The following HEPHL1 variants were observed in gnomAD, a reference collection of about 807,000 sequenced individuals.
HEPHL1 encodes the protein ferroxidase HEPHL1.
HEPHL1 carries 123 observed loss-of-function variants against 122.0 expected under a neutral mutation model. The observed-to-expected ratio is 1.01, with a 90% CI of 0.87 to 1.17. The LOEUF is 1.17. Ranked by LOEUF, HEPHL1 falls within the 50% of genes most tolerant of loss-of-function variation. The pLI is 0.00. For missense variants in HEPHL1, 1,452 were observed against 1,430.5 expected (o/e 1.01, Z -0.24); for synonymous variants, 527 against 508.9 (o/e 1.04, Z -0.48).
intron 6 of HEPHL1, among the ~76,000 whole-genome samples, chr11:94,071,139 A>T (rs1565354420): frequency 6.6e-6 from 1 of 152,178 alleles, no homozygotes; most frequent in Non-Finnish European, 1.5e-5. Context: ...CTATTTAAAA[A>T]ATTAATCTAG....
At chr11:94,055,527 C>A (rs75365048) in intron 2 of HEPHL1, 2,623 of 241,048 alleles carry the variant, frequency 0.011, 27 homozygotes, top group Admixed American at 0.014. Flanking sequence ...TCGTTGTTAA[C>A]CGGCTTGGAG....
At chr11:94,069,850 T>A (rs2511409) in intron 5 of HEPHL1, among the ~76,000 whole-genome samples, 12,270 of 152,218 alleles carry the variant, frequency 0.081, 650 homozygotes, top group Middle Eastern at 0.14. Context: ...ATGATTTTTT[T>A]AAAAAAGCTA....
Position 94,064,457 on chromosome 11 carries a change from C to T in HEPHL1, c.755C>T (p.Pro252Leu), listed in dbSNP as rs1276684060. The T allele has an allele frequency of 1.2e-6, 2 of 1,613,012 alleles. No homozygotes were observed. The highest frequency in any genetic ancestry group is 1.7e-6 in the Non-Finnish European group (2 of 1,179,280). Residue 252 changes from proline to leucine, a missense_variant, in exon 4 of 20, where the codon CCT becomes CTT. Transcript: ENST00000315765. The stretch of plus-strand genomic sequence containing the variant: ...AATATCAAACATTTCTGCACCAACC[C>T]TGATTCAGTTGACAAGAAAGATGCT... ...NENIKHFCTN[P>L]DSVDKKDAVF...
intron 17 of HEPHL1, among the ~76,000 whole-genome samples, chr11:94,107,468 A>G (rs1946418006): frequency 6.6e-6 from 1 of 152,236 alleles, no homozygotes; most frequent in Non-Finnish European, 1.5e-5. Flanking sequence ...TTCTCTTTTG[A>G]TAAGCACATA....
At chr11:94,062,530 G>C (rs1040027202) in intron 2 of HEPHL1, among the ~76,000 whole-genome samples, 2 of 152,146 alleles carry the variant, frequency 1.3e-5, no homozygotes, top group Non-Finnish European at 2.9e-5. Flanking sequence ...CACATTGGTA[G>C]CATGTGTTCA....
At chr11:94,051,068 T>C (rs1565349333) in intron 2 of HEPHL1, among the ~76,000 whole-genome samples, 1 of 152,172 alleles carries the variant, frequency 6.6e-6, no homozygotes, top group African/African-American at 2.4e-5. Flanking sequence ...ACAGTTTGCT[T>C]CCAAACCTTG....
intron 16 of HEPHL1, among the ~76,000 whole-genome samples, chr11:94,105,574 C>G (rs1457794978): frequency 1.3e-5 from 2 of 152,158 alleles, no homozygotes; most frequent in Non-Finnish European, 2.9e-5. Context: ...CAGGCTTAAA[C>G]TATTCTCAAC....
chr11:94,080,446 T>C (rs893278820), intron 9 of HEPHL1, among the ~76,000 whole-genome samples: 1 of 152,172 alleles, frequency 6.6e-6, no homozygotes, highest in Non-Finnish European at 1.5e-5. Context: ...GTGTGACAAA[T>C]GGGTTCTAAT....
At chr11:94,037,190 A>T (rs1490072143) in intron 1 of HEPHL1, among the ~76,000 whole-genome samples, 1 of 152,224 alleles carries the variant, frequency 6.6e-6, no homozygotes, top group Non-Finnish European at 1.5e-5. Flanking sequence ...CCACGAGATT[A>T]TATCCCGCAC....
chr11:94,075,496 C>T, intron 9 of HEPHL1, 111 bp downstream of exon 9: 1 of 721,840 alleles, frequency 1.4e-6, no homozygotes. Context: ...TGTCTTTCTT[C>T]CTCTTGAAGT....
intron 2 of HEPHL1, among the ~76,000 whole-genome samples, chr11:94,052,705 A>G (rs987191097): frequency 6.6e-6 from 1 of 151,932 alleles, no homozygotes; most frequent in African/African-American, 2.4e-5. Flanking sequence ...ATTTTTTTCA[A>G]TACTTTTCTG....
At chr11:94,055,205 A>G in intron 2 of HEPHL1, 1 of 263,474 alleles carries the variant, frequency 3.8e-6, no homozygotes, top group Non-Finnish European at 7.6e-6. Context: ...CCCTTGGCAG[A>G]GATGATGGCC....
In HEPHL1 at chr11:94,052,667, TGA is replaced by T. The variant is rs1164448230; in HGVS notation, c.415+6754_415+6755del. 6.6e-5 allele frequency among the ~76,000 whole-genome samples: 10 copies of T among 152,214 alleles called. No individual in the cohort carries two copies. In the South Asian group the frequency reaches 1.2e-3, roughly 19 times the overall value. On this transcript the variant is annotated intron_variant, in intron 2 of 19. Coordinates refer to ENST00000315765, the MANE Select transcript of HEPHL1 (RefSeq NM_001098672.2). ...AAATTCCTTTGTATTCCTAGTTTGTTGAGAGTTTTTCACTAAGTAAGTACTGG... is the reference window on the plus strand; with the variant it reads ...AAATTCCTTTGTATTCCTAGTTTGTTGAGTTTTTCACTAAGTAAGTACTGG...
rs763883855 is a variant in HEPHL1 at position 94,106,011 on chromosome 11, G to T, written c.2926G>T (p.Gly976Trp). 2 of 1,575,996 alleles carry T rather than the reference G, an allele frequency of 1.3e-6. No individual in the cohort carries two copies. The highest frequency in any genetic ancestry group is 1.7e-5 in the Admixed American group (1 of 57,822). ...TAAAGCCATTAATGGAAAGATTTTT[G>T]GGAATCTCCATGGCCTCATAATGAA... ...RMHAINGKIF[G>W]NLHGLIMNED... The change falls in exon 17 of 20, where the codon GGG (glycine) becomes TGG (tryptophan). Residue 976 changes from glycine (G) to tryptophan (W), a missense_variant. Coordinates refer to ENST00000315765, the MANE Select transcript of HEPHL1 (RefSeq NM_001098672.2).
At chr11:94,035,978 C>T (rs1010156506) in intron 1 of HEPHL1, among the ~76,000 whole-genome samples, 7 of 152,108 alleles carry the variant, frequency 4.6e-5, no homozygotes, top group Admixed American at 1.3e-4. Flanking sequence ...CCTCGTGATC[C>T]GCCCGCCTCG....
At chr11:94,083,300 A>G (rs1398830197) in intron 10 of HEPHL1, among the ~76,000 whole-genome samples, 2 of 152,224 alleles carry the variant, frequency 1.3e-5, no homozygotes, top group Admixed American at 6.5e-5. Flanking sequence ...TTAATTTGTG[A>G]AACACTAGCT....
At chr11:94,093,991 T>C (rs1344641593) in intron 13 of HEPHL1, among the ~76,000 whole-genome samples, 7 of 86,608 alleles carry the variant, frequency 8.1e-5, no homozygotes, top group African/African-American at 4.2e-4. Flanking sequence ...TATATATATA[T>C]ATATATATAT....
At chr11:94,109,699 C>T (rs554480135) in intron 17 of HEPHL1, among the ~76,000 whole-genome samples, 3 of 152,116 alleles carry the variant, frequency 2.0e-5, no homozygotes, top group Non-Finnish European at 4.4e-5. Flanking sequence ...CTTACTTGGT[C>T]ATGATGTATT....
At chr11:94,088,704 C>A in intron 11 of HEPHL1, 51 bp from the exon 12 acceptor site, 7 of 1,420,704 alleles carry the variant, frequency 4.9e-6, no homozygotes, top group South Asian at 1.2e-5. Context: ...CAGACCATCA[C>A]CAACAAAAAT....
Sources: gnomAD v4.1 joint callset for allele counts (sites outside exome capture counted in the v4.1 genomes callset) on GRCh38, gnomAD v4.1.1 for gene constraint, MANE v1.5 for transcripts, NCBI Gene and HGNC (gene_info 2026-07-23, HGNC 2026-07-21) for gene names.